Variants in CACNA1H observed in about 807,000 individuals in gnomAD.
CACNA1H encodes calcium voltage-gated channel subunit alpha1 H, also known as voltage-dependent T-type calcium channel subunit alpha-1H.
A neutral mutation model predicts 192.5 loss-of-function variants in CACNA1H; 149 were observed. The observed-to-expected ratio is 0.77, with a 90% CI of 0.68 to 0.89. The LOEUF (loss-of-function observed/expected upper bound fraction) is 0.89. Ranked by LOEUF, CACNA1H falls within the 40% of genes least tolerant of loss-of-function variation. The pLI is 0.00. For synonymous variants in CACNA1H, 2,202 were observed against 1,475.2 expected (o/e 1.49, Z -11.29); for missense variants, 4,257 against 3,423.5 (o/e 1.24, Z -6.08).
chr16:1,207,676 C>T (rs536152875), intron 14 of CACNA1H, 94 bp from the exon 15 acceptor site: 8 of 1,185,238 alleles, frequency 6.7e-6, no homozygotes, highest in South Asian at 1.3e-5. Context: ...TCTGTCCACA[C>T]CCCACCTCCC....
At chr16:1,193,832 C>G (rs868120426) in intron 2 of CACNA1H, among the ~76,000 whole-genome samples, 9 of 152,086 alleles carry the variant, frequency 5.9e-5, no homozygotes, top group African/African-American at 9.7e-5. Context: ...GGGGGAGGGG[C>G]TCCAGGCTGG....
At position 1,169,276 on chromosome 16, in the gene CACNA1H, T is replaced by A. The variant is rs1469837422; in HGVS notation, c.299+15240T>A. 3.3e-5 allele frequency among the ~76,000 whole-genome samples: 5 copies of A among 152,142 alleles called. No individual in the cohort carries two copies. In the East Asian group the frequency reaches 5.8e-4, roughly 18 times the overall value. ...TGTTCACTGTGGGCGGCACCGTCGC[T>A]GGTGGCCGAATCTGCCCCAAACAGC... On this transcript the variant is annotated intron_variant, in intron 2 of 34. Transcript: ENST00000348261.
chr16:1,181,929 C>A (rs1965512423), intron 2 of CACNA1H, among the ~76,000 whole-genome samples: 1 of 152,154 alleles, frequency 6.6e-6, no homozygotes. Context: ...ACATGCATGT[C>A]CCCTTTGCAC....
At position 1,211,294 on chromosome 16, in the gene CACNA1H, G is replaced by A; in HGVS notation, c.4350G>A (p.Gln1450=). 1 of 1,612,928 alleles carries A rather than the reference G, an allele frequency of 6.2e-7. No individual in the cohort carries two copies. Among genetic ancestry groups the A allele is most frequent in the Non-Finnish European group, 8.5e-7 (1 of 1,179,688 alleles). ...FFIIFGILGV[Q]LFKGKFYYCE... Reference sequence around the variant, plus strand: ...TCATTTTTGGCATTTTGGGTGTGCAGGTGTGTGGCCCCCACGTGCCCGGGG... The same window carrying A: ...TCATTTTTGGCATTTTGGGTGTGCAAGTGTGTGGCCCCCACGTGCCCGGGG... The change falls in exon 22 of 35, where the codon CAG becomes CAA. Residue 1450 remains glutamine (Q), a splice_region_variant and synonymous_variant. Transcript: ENST00000348261.
chr16:1,158,720 C>T (rs1391475567), intron 2 of CACNA1H, among the ~76,000 whole-genome samples: 1 of 152,144 alleles, frequency 6.6e-6, no homozygotes, highest in Non-Finnish European at 1.5e-5. Context: ...CCGGGGCTGC[C>T]GGGCATGTGA....
In CACNA1H at chr16:1,210,129, A is replaced by G; in HGVS notation, c.3839A>G (p.Gln1280Arg). 1 of 1,555,446 alleles carries G rather than the reference A, an allele frequency of 6.4e-7. No homozygotes were observed. The highest frequency in any genetic ancestry group is 8.7e-7 in the Non-Finnish European group (1 of 1,149,934). Reference protein sequence around the residue: ...EAWALYLFSPQNRFRVSCQKV... With the variant: ...EAWALYLFSPRNRFRVSCQKV... ...TGGGCCCTCTACCTCTTCTCCCCAC[A>G]GAACCGGTGAGGCGGCCGGGTCAGG... Residue 1280 changes from glutamine to arginine, a missense_variant, in exon 18 of 35, where the codon CAG becomes CGG. Transcript: ENST00000348261.
chr16:1,187,261 C>T (rs1376782315), intron 2 of CACNA1H, among the ~76,000 whole-genome samples: 6 of 152,234 alleles, frequency 3.9e-5, no homozygotes, highest in African/African-American at 7.2e-5. Flanking sequence ...AGGGAGGGAG[C>T]GGCCTCAGCC....
At chr16:1,203,937 T>C (rs896094989) in intron 9 of CACNA1H, 73 bp from the exon 10 acceptor site, 18 of 1,134,768 alleles carry the variant, frequency 1.6e-5, no homozygotes, top group East Asian at 1.6e-4. Flanking sequence ...ACCGCTCCTG[T>C]GTGTGAGGGT....
chr16:1,218,969 G>T lies in CACNA1H; in HGVS notation c.5888-1G>T. ...CCAGCTTAGATTCTTCCCTGCCCCAGGCTCCGTTGCCTCTGTGCACTCTCC... is the reference window on the plus strand; with the variant it reads ...CCAGCTTAGATTCTTCCCTGCCCCATGCTCCGTTGCCTCTGTGCACTCTCC... On this transcript the variant is annotated splice_acceptor_variant, in intron 33 of 34. Coordinates refer to ENST00000348261, the MANE Select transcript of CACNA1H (RefSeq NM_021098.3). LOFTEE classifies it high-confidence loss of function. 1.3e-6 allele frequency: 2 copies of T among 1,550,028 alleles called. No homozygotes were observed. Among genetic ancestry groups the T allele is most frequent in the Non-Finnish European group, 1.7e-6 (2 of 1,146,872 alleles).
intron 2 of CACNA1H, among the ~76,000 whole-genome samples, chr16:1,194,467 G>A (rs916757743): frequency 2.6e-5 from 4 of 152,146 alleles, no homozygotes; most frequent in African/African-American, 9.7e-5. Context: ...TTGTGCCACC[G>A]TCCAGGCCTG....
chr16:1,198,901 C>G, intron 6 of CACNA1H, 127 bp downstream of exon 6: 2 of 835,554 alleles, frequency 2.4e-6, no homozygotes, highest in Non-Finnish European at 3.7e-6. Context: ...CCCGCCACTG[C>G]TGTCCCCGTC....
chr16:1,169,206 G>C (rs958116900), intron 2 of CACNA1H, among the ~76,000 whole-genome samples: 1 of 152,084 alleles, frequency 6.6e-6, no homozygotes, highest in East Asian at 1.9e-4. Context: ...GGGGGTCTTA[G>C]CCTGGAACGT....
chr16:1,216,206 C>T (rs77265885), intron 30 of CACNA1H, among the ~76,000 whole-genome samples: 3,638 of 152,290 alleles, frequency 0.024, 83 homozygotes, highest in East Asian at 0.11. Flanking sequence ...CCTGTCCCTG[C>T]GCCATCTGTC....
intron 2 of CACNA1H, among the ~76,000 whole-genome samples, chr16:1,176,860 AG>A (rs1964940089): frequency 6.6e-6 from 1 of 151,738 alleles, no homozygotes; most frequent in Non-Finnish European, 1.5e-5. Context: ...GGGGACGGGG[AG>A]GGGGTCCTAA....
At position 1,221,659 on chromosome 16, in the gene CACNA1H, G is replaced by T; in HGVS notation, c.*665G>T. 1 of 1,026,714 alleles carries T rather than the reference G, an allele frequency of 9.7e-7. No individual in the cohort carries two copies. Among genetic ancestry groups the T allele is most frequent in the Non-Finnish European group, 1.4e-6 (1 of 720,540 alleles). 63.6% of individuals were successfully genotyped at this position (1,026,714 alleles called of 1,614,324 possible). A position where few individuals can be genotyped will look rare whatever the true frequency, so the allele number is the denominator to read the frequency against. On this transcript the variant is annotated 3_prime_UTR_variant, in exon 35 of 35. Coordinates refer to ENST00000348261, the MANE Select transcript of CACNA1H (RefSeq NM_021098.3). ...AGATTCCCATTGACACCTTTGTTTC[G>T]TGTGCTTTTAAATTCAGGTTAAATG...
In CACNA1H at chr16:1,195,668, T is replaced by C. The variant is rs932744635; in HGVS notation, c.545+103T>C. On this transcript the variant is annotated intron_variant, in intron 4 of 34. Coordinates refer to ENST00000348261, the MANE Select transcript of CACNA1H (RefSeq NM_021098.3). ...GTAAAGAAAAATGGGAGGTGTGTTC[T>C]AGAGGGATCCAGGTAGAGCCAGGGA... 1.4e-5 allele frequency: 19 copies of C among 1,344,414 alleles called. No individual in the cohort carries two copies. The South Asian group carries it at 2.4e-4, about 17-fold the overall frequency. 83.3% of individuals were successfully genotyped at this position (1,344,414 alleles called of 1,614,324 possible).
rs372807603 is a variant in CACNA1H, at chr16:1,209,018, C to A, written c.3364-14C>A. 684 of 1,483,190 alleles carry A rather than the reference C, an allele frequency of 4.6e-4. No individual in the cohort carries two copies. The highest frequency in any genetic ancestry group is 4.9e-4 in the Non-Finnish European group (553 of 1,125,260). 91.9% of individuals were successfully genotyped at this position (1,483,190 alleles called of 1,614,324 possible). The stretch of plus-strand genomic sequence containing the variant: ...AGTGATGCCACCAGGTCACTGACTC[C>A]CGCCACCCCCCAGGCCAGCCTCCGA... On this transcript the variant is annotated splice_polypyrimidine_tract_variant and intron_variant, in intron 16 of 34. Transcript: ENST00000348261.
intron 2 of CACNA1H, among the ~76,000 whole-genome samples, chr16:1,169,786 TC>T (rs1417820345): frequency 3.3e-5 from 5 of 152,172 alleles, no homozygotes; most frequent in Admixed American, 2.6e-4. Flanking sequence ...CCAGGCCTGG[TC>T]CCTGGCCCCT....
chr16:1,187,853 C>T (rs1447381893), intron 2 of CACNA1H, among the ~76,000 whole-genome samples: 1 of 152,210 alleles, frequency 6.6e-6, no homozygotes, highest in Non-Finnish European at 1.5e-5. Flanking sequence ...TGAGGAGGGG[C>T]ACACAGCCCC....
Sources: allele counts gnomAD v4.1 joint callset (sites outside exome capture counted in the v4.1 genomes callset), GRCh38; gene constraint gnomAD v4.1.1; transcripts MANE v1.5; gene names NCBI Gene and HGNC (gene_info 2026-07-23, HGNC 2026-07-21).